Variants in BTC observed in about 807,000 individuals in gnomAD.
BTC encodes the protein probetacellulin.
In BTC, 13 loss-of-function variants were observed where a neutral mutation model predicts 18.1. That is an observed-to-expected ratio of 0.72 (90% CI 0.47 to 1.14). The LOEUF (loss-of-function observed/expected upper bound fraction) is 1.14, where lower values mean the gene tolerates loss of function less well. BTC is among the 50% of genes most tolerant of loss of function. BTC has a pLI of 0.00. For synonymous variants in BTC, 83 were observed against 79.4 expected (o/e 1.05, Z -0.24); for missense variants, 247 against 224.2 (o/e 1.10, Z -0.65).
chr4:74,769,545 A>C (rs1225453577), intron 2 of BTC, among the ~76,000 whole-genome samples: 1 of 152,252 alleles, frequency 6.6e-6, no homozygotes, highest in Non-Finnish European at 1.5e-5. Flanking sequence ...TACTAAGGCC[A>C]AATACTGCCT....
rs186805235 is a variant in BTC, at chr4:74,785,910, G to A, written c.64+8352C>T. Among the ~76,000 whole-genome samples, 629 of 152,270 alleles carry A rather than the reference G, an allele frequency of 4.1e-3. 4 individuals are homozygous for A. Among genetic ancestry groups the A allele is most frequent in the Admixed American group, 7.4e-3 (113 of 15,280 alleles). On this transcript the variant is annotated intron_variant, in intron 1 of 5. Transcript: ENST00000395743. ...AGCTCCTGTGTTAGATGAATGTTAT[G>A]TAGATGAAATGAATTATTATGCTCT...
chr4:74,756,009 T>C, intron 2 of BTC, 33 bp from the exon 3 acceptor site: 1 of 1,473,932 alleles, frequency 6.8e-7, no homozygotes, highest in South Asian at 1.1e-5. Context: ...ATAAATCAAC[T>C]CTCTTTAAAT....
intron 2 of BTC, among the ~76,000 whole-genome samples, chr4:74,760,981 G>C (rs1358827206): frequency 6.6e-6 from 1 of 152,056 alleles, no homozygotes; most frequent in Admixed American, 6.6e-5. Context: ...TGATCCGCCT[G>C]CCTCAGCCTC....
chr4:74,793,112 G>C (rs1487991610), intron 1 of BTC, among the ~76,000 whole-genome samples: 2 of 152,108 alleles, frequency 1.3e-5, no homozygotes, highest in Non-Finnish European at 2.9e-5. Context: ...CTATTTCTAG[G>C]GTTAAGTCTC....
At chr4:74,766,865 A>G (rs1036278900) in intron 2 of BTC, among the ~76,000 whole-genome samples, 1 of 152,058 alleles carries the variant, frequency 6.6e-6, no homozygotes, top group African/African-American at 2.4e-5. Flanking sequence ...TCATTTTGAC[A>G]AAATTCAACA....
intron 1 of BTC, among the ~76,000 whole-genome samples, chr4:74,778,053 G>A (rs370386063): frequency 7.2e-4 from 109 of 151,068 alleles, no homozygotes; most frequent in African/African-American, 2.5e-3. Flanking sequence ...AAAATAGGGA[G>A]TGAAAATAAT....
intron 2 of BTC, among the ~76,000 whole-genome samples, chr4:74,762,021 G>A (rs879955610): frequency 6.6e-6 from 1 of 152,128 alleles, no homozygotes; most frequent in Admixed American, 6.5e-5. Flanking sequence ...CTGGATGACA[G>A]CCTGCTGCAT....
At chr4:74,749,685 TTTGTTGTTG>T (rs1188923273) in intron 4 of BTC, among the ~76,000 whole-genome samples, 1 of 124,930 alleles carries the variant, frequency 8.0e-6, no homozygotes, top group Non-Finnish European at 1.8e-5. Context: ...GATAGTTTTT[TTTGTTGTTG>T]TTGTTGTTGT....
At chr4:74,783,562 G>GT (rs1725394374) in intron 1 of BTC, among the ~76,000 whole-genome samples, 1 of 147,982 alleles carries the variant, frequency 6.8e-6, no homozygotes, top group East Asian at 2.0e-4. Context: ...CTTTTTGTTT[G>GT]GGAATGTGCT....
intron 1 of BTC, among the ~76,000 whole-genome samples, chr4:74,776,468 A>G (rs1015244659): frequency 2.1e-4 from 32 of 152,220 alleles, no homozygotes; most frequent in African/African-American, 7.5e-4. Context: ...ACAAAAGGAA[A>G]AGAAATCCAA....
chr4:74,770,564 A>G (rs1000428212), intron 1 of BTC, among the ~76,000 whole-genome samples: 29 of 152,188 alleles, frequency 1.9e-4, no homozygotes, highest in Non-Finnish European at 2.1e-4. Context: ...CAGCGTTCTC[A>G]GGTGTTAACA....
At chr4:74,791,561 A>T (rs901589942) in intron 1 of BTC, among the ~76,000 whole-genome samples, 3 of 152,172 alleles carry the variant, frequency 2.0e-5, no homozygotes, top group Non-Finnish European at 4.4e-5. Flanking sequence ...TATTAAATGT[A>T]TTTGTACCAT....
chr4:74,791,504 T>C (rs1374915158), intron 1 of BTC, among the ~76,000 whole-genome samples: 1 of 152,198 alleles, frequency 6.6e-6, no homozygotes, highest in Non-Finnish European at 1.5e-5. Flanking sequence ...ACCAAATTAA[T>C]GCATATAAAG....
chr4:74,751,861 T>C (rs1724470174), intron 3 of BTC, among the ~76,000 whole-genome samples: 1 of 152,210 alleles, frequency 6.6e-6, no homozygotes. Context: ...TTAATAAATA[T>C]TTTCCTTAAG....
intron 1 of BTC, among the ~76,000 whole-genome samples, chr4:74,782,636 A>T (rs1032826861): frequency 2.0e-5 from 3 of 152,184 alleles, no homozygotes; most frequent in Admixed American, 1.3e-4. Flanking sequence ...TTACTGGGTT[A>T]AATGGTAGTT....
chr4:74,755,927 C>T lies in BTC; in HGVS notation c.213G>A (p.Lys71=). The T allele has an allele frequency of 6.2e-7, 1 of 1,614,140 alleles. No homozygotes were observed. The highest frequency in any genetic ancestry group is 8.5e-7 in the Non-Finnish European group (1 of 1,180,012). ...CTTTGATGCAGTAATGCTTGTATTGCTTGGGGCACCTAGAGAAGTGGCCTT... is the reference window on the plus strand; with the variant it reads ...CTTTGATGCAGTAATGCTTGTATTGTTTGGGGCACCTAGAGAAGTGGCCTT... ...KRKGHFSRCP[K]QYKHYCIKGR... The change falls in exon 3 of 6, where the codon AAG becomes AAA. Residue 71 remains lysine (K), a synonymous_variant. Coordinates refer to ENST00000395743, the MANE Select transcript of BTC (RefSeq NM_001729.4).
intron 2 of BTC, among the ~76,000 whole-genome samples, chr4:74,766,035 T>C (rs981506981): frequency 6.6e-6 from 1 of 152,084 alleles, no homozygotes; most frequent in Non-Finnish European, 1.5e-5. Context: ...AATCATAACA[T>C]AATAGTATTT....
intron 2 of BTC, among the ~76,000 whole-genome samples, chr4:74,762,681 T>G (rs1018948215): frequency 2.0e-5 from 3 of 152,116 alleles, no homozygotes; most frequent in Non-Finnish European, 1.5e-5. Flanking sequence ...TAATTAATGC[T>G]ATTGTGACCA....
Position 74,786,322 on chromosome 4 carries a change from T to C in BTC, c.64+7940A>G, listed in dbSNP as rs148522774. Among the ~76,000 whole-genome samples, 1,026 of 152,320 alleles carry C rather than the reference T, an allele frequency of 6.7e-3. 13 individuals are homozygous for C. Among genetic ancestry groups the C allele is most frequent in the African/African-American group, 0.023 (976 of 41,582 alleles). On this transcript the variant is annotated intron_variant, in intron 1 of 5. Transcript: ENST00000395743. ...GCCTATTCTAGGATGGCCTGGACCA[T>C]GCAGCTCACTCCAAAGATTAGAGAA... is the stretch of plus-strand genomic sequence containing the variant.
Sources: gnomAD v4.1 joint callset for allele counts (sites outside exome capture counted in the v4.1 genomes callset) on GRCh38, gnomAD v4.1.1 for gene constraint, MANE v1.5 for transcripts, NCBI Gene and HGNC (gene_info 2026-07-23, HGNC 2026-07-21) for gene names.